MYMK: variants seen among roughly 807,000 people sequenced by gnomAD.
The protein encoded by MYMK is myomaker, myoblast fusion factor, also known as protein myomaker.
A neutral mutation model predicts 22.4 loss-of-function variants in MYMK; 16 were observed. The observed-to-expected ratio is 0.72, with a 90% CI of 0.48 to 1.09. The LOEUF (loss-of-function observed/expected upper bound fraction) is 1.09. Ranked by LOEUF, MYMK falls within the 50% of genes least tolerant of loss-of-function variation. The pLI, the probability that MYMK is intolerant of heterozygous loss-of-function variation, is 0.00. For synonymous variants in MYMK, 125 were observed against 127.0 expected (o/e 0.98, Z 0.11); for missense variants, 250 against 295.6 (o/e 0.85, Z 1.13).
At chr9:133,520,748 G>T (rs1844694174) in intron 1 of MYMK, among the ~76,000 whole-genome samples, 1 of 151,954 alleles carries the variant, frequency 6.6e-6, no homozygotes, top group Non-Finnish European at 1.5e-5. Context: ...AGCCTCTCTG[G>T]GGGCTCCTTT....
Position 133,524,897 on chromosome 9 carries a change from C to A in MYMK, c.-53G>T, listed in dbSNP as rs897717704. 30 of 1,550,128 alleles carry A rather than the reference C, an allele frequency of 1.9e-5. No individual in the cohort carries two copies. The highest frequency in any genetic ancestry group is 2.5e-5 in the Non-Finnish European group (29 of 1,150,062). On this transcript the variant is annotated 5_prime_UTR_variant, in exon 1 of 5. Transcript: ENST00000339996. ...TGGGGAGGGTGCTGGTGTCCCAGGT[C>A]CCCAGCACAGGAGCACGAAGTGGGA...
Position 133,518,905 on chromosome 9 carries a change from C to T in MYMK, c.368G>A (p.Gly123Asp), listed in dbSNP as rs1844664078. ...WGYGVYSGPI[G>D]TAILIIAAKW... ...TGCCGCGATGATGAGGATGGCTGTGCCGATGGGGCCCGAGTACACCCCGTA... is the reference window on the plus strand; with the variant it reads ...TGCCGCGATGATGAGGATGGCTGTGTCGATGGGGCCCGAGTACACCCCGTA... The change falls in exon 3 of 5, where the codon GGC becomes GAC. Residue 123 changes from glycine (G) to aspartate (D), a missense_variant. Coordinates refer to ENST00000339996, the MANE Select transcript of MYMK (RefSeq NM_001080483.3). The T allele has an allele frequency of 6.2e-7, 1 of 1,613,278 alleles. No homozygotes were observed.
intron 1 of MYMK, among the ~76,000 whole-genome samples, chr9:133,523,682 GGA>G (rs35845164): frequency 0.043 from 5,194 of 121,350 alleles, 119 homozygotes; most frequent in African/African-American, 0.05. Context: ...AGAGATAGAT[GGA>G]GAGAGAGAGA....
chr9:133,514,789 CG>C lies in MYMK; in HGVS notation c.517-5del, dbSNP rs758460107. On this transcript the variant is annotated splice_region_variant and splice_polypyrimidine_tract_variant and intron_variant, in intron 4 of 4. Transcript: ENST00000339996. ...GGACATAAGTGTAGTCCCAGTCCTG[CG>C]GGGGGCAAGCGGTCAGTCTGGGGCC... 1.2e-6 allele frequency: 2 copies of C among 1,612,688 alleles called. No homozygotes were observed. The highest frequency in any genetic ancestry group is 2.7e-5 in the African/African-American group (2 of 75,014).
intron 1 of MYMK, among the ~76,000 whole-genome samples, chr9:133,522,022 A>AATAGT (rs1419504395): frequency 2.0e-5 from 3 of 152,272 alleles, no homozygotes; most frequent in African/African-American, 7.2e-5. Flanking sequence ...AGGCTCTGAG[A>AATAGT]ATTCTAAAGG....
intron 3 of MYMK, among the ~76,000 whole-genome samples, chr9:133,518,234 G>A (rs1844654838): frequency 6.6e-6 from 1 of 152,174 alleles, no homozygotes; most frequent in Non-Finnish European, 1.5e-5. Flanking sequence ...AGCCAGGAGG[G>A]TCTTGGTAGG....
chr9:133,519,048 G>A (rs769596444), intron 2 of MYMK, 26 bp from the exon 3 acceptor site: 1 of 1,612,850 alleles, frequency 6.2e-7, no homozygotes, highest in Non-Finnish European at 8.5e-7. Context: ...AGACACAGGG[G>A]GAGGTGAGTG....
rs770685806 is a variant in MYMK at position 133,514,812 on chromosome 9, G to A, written c.517-27C>T. On this transcript the variant is annotated intron_variant, in intron 4 of 4. Coordinates refer to ENST00000339996, the MANE Select transcript of MYMK (RefSeq NM_001080483.3). ...TGCGGGGGGCAAGCGGTCAGTCTGG[G>A]GCCTCAGCCCCCTCCCCGAGGCTCC... The A allele has an allele frequency of 1.9e-6, 3 of 1,605,108 alleles. No individual in the cohort carries two copies. The Admixed American group carries it at 5.1e-5, about 27-fold the overall frequency.
At chr9:133,524,552 T>C (rs1439205486) in intron 1 of MYMK, among the ~76,000 whole-genome samples, 158 bp downstream of exon 1, 1 of 152,154 alleles carries the variant, frequency 6.6e-6, no homozygotes, top group Non-Finnish European at 1.5e-5. Flanking sequence ...ACTCCCCTAG[T>C]CCTCTCTCTT....
In MYMK at chr9:133,524,957, G is replaced by C. The variant is rs1844741169; in HGVS notation, c.-113C>G. The C allele has an allele frequency of 5.6e-6, 7 of 1,257,130 alleles. No individual in the cohort carries two copies. Among genetic ancestry groups the C allele is most frequent in the Non-Finnish European group, 6.6e-6 (6 of 915,932 alleles). The allele number at this position is 1,257,130 out of a possible 1,614,324, so 77.9% of individuals were successfully genotyped here. ...CCCTTTGGGCAGGGCTCTGATGGCA[G>C]CTGCGGGGAGCACCCACAAGAGGGT... On this transcript the variant is annotated 5_prime_UTR_variant, in exon 1 of 5. Coordinates refer to ENST00000339996, the MANE Select transcript of MYMK (RefSeq NM_001080483.3).
Position 133,524,871 on chromosome 9 carries a change from G to A in MYMK, c.-27C>T. On this transcript the variant is annotated 5_prime_UTR_variant, in exon 1 of 5. Coordinates refer to ENST00000339996, the MANE Select transcript of MYMK (RefSeq NM_001080483.3). ...GGCCAGGAGGAAAGCACTGGCTGGG[G>A]TGGGGAGGGTGCTGGTGTCCCAGGT... is the stretch of plus-strand genomic sequence containing the variant. 1 of 1,584,470 alleles carries A rather than the reference G, an allele frequency of 6.3e-7. No homozygotes were observed. The highest frequency in any genetic ancestry group is 2.1e-4 in the Middle Eastern group (1 of 4,736).
rs757556943 is a variant in MYMK, at chr9:133,514,760, C to G, written c.542G>C (p.Ser181Thr). The G allele has an allele frequency of 1.2e-6, 2 of 1,614,034 alleles. No homozygotes were observed. The highest frequency in any genetic ancestry group is 1.7e-6 in the Non-Finnish European group (2 of 1,179,910). ...CATAGCCAGGGCACAGTGGTAGAAG[C>G]TGTGGACATAAGTGTAGTCCCAGTC... The part of the protein sequence containing the change: ...FEDWDYTYVH[S>T]FYHCALAMSF... Residue 181 changes from serine to threonine, a missense_variant, in exon 5 of 5, where the codon AGC becomes ACC. Coordinates refer to ENST00000339996, the MANE Select transcript of MYMK (RefSeq NM_001080483.3).
rs1212381252 is a variant in MYMK, at chr9:133,515,360, G to C, written c.516+131C>G. The C allele has an allele frequency of 7.3e-6, 5 of 686,924 alleles. No individual in the cohort carries two copies. Among genetic ancestry groups the C allele is most frequent in the Admixed American group, 6.7e-5 (3 of 44,864 alleles). The allele number at this position is 686,924 out of a possible 1,614,324, so 42.6% of individuals were successfully genotyped here. A position where few individuals can be genotyped will look rare whatever the true frequency, so the allele number is the denominator to read the frequency against. On this transcript the variant is annotated intron_variant, in intron 4 of 4. Coordinates refer to ENST00000339996, the MANE Select transcript of MYMK (RefSeq NM_001080483.3). The surrounding 1 kb of genome is among the most constrained non-coding windows in gnomAD (Gnocchi z 5.8). Reference sequence around the variant, plus strand: ...GCCCTGGGAGGGGCTAGTGAGCAGGGACTAATACCAGACTTTGGCCTGGGG... The same window carrying C: ...GCCCTGGGAGGGGCTAGTGAGCAGGCACTAATACCAGACTTTGGCCTGGGG...
In MYMK at chr9:133,514,714, G is replaced by T; in HGVS notation, c.588C>A (p.Pro196=). 2 of 1,614,086 alleles carry T rather than the reference G, an allele frequency of 1.2e-6. No individual in the cohort carries two copies. Among genetic ancestry groups the T allele is most frequent in the Non-Finnish European group, 1.7e-6 (2 of 1,179,938 alleles). The change falls in exon 5 of 5, where the codon CCC becomes CCA. Residue 196 remains proline (P), a synonymous_variant. Transcript: ENST00000339996. The part of the protein sequence containing the change: ...ALAMSFVLLL[P]KVNKKAGSPG... ...GGGATCCAGCCTTCTTGTTGACCTT[G>T]GGCAGCAGCAGAACAAAGGACATAG...
rs147332939 is a variant in MYMK at position 133,524,483 on chromosome 9, T to C, written c.135+227A>G. Among the ~76,000 whole-genome samples the C allele has an allele frequency of 2.0e-4, 30 of 152,260 alleles. No homozygotes were observed. The East Asian group carries it at 5.8e-3, about 29-fold the overall frequency. ...CCCAGGCTTGGTCTCACACAGGCAG[T>C]GATCCCAGAGCAACTTCCTGGCACA... On this transcript the variant is annotated intron_variant, in intron 1 of 4. Coordinates refer to ENST00000339996, the MANE Select transcript of MYMK (RefSeq NM_001080483.3).
chr9:133,516,354 C>T (rs1310631349), intron 3 of MYMK, among the ~76,000 whole-genome samples: 3 of 152,196 alleles, frequency 2.0e-5, no homozygotes, highest in African/African-American at 7.2e-5. Flanking sequence ...TGGGGAACGA[C>T]AGCCTTGTTG....
intron 1 of MYMK, among the ~76,000 whole-genome samples, chr9:133,522,418 G>C (rs762860602): frequency 1.3e-5 from 2 of 152,198 alleles, no homozygotes; most frequent in African/African-American, 4.8e-5. Flanking sequence ...CAAGGTGTCC[G>C]GCACAGAGAT....
chr9:133,523,002 G>A (rs1436726480), intron 1 of MYMK, among the ~76,000 whole-genome samples: 1 of 152,208 alleles, frequency 6.6e-6, no homozygotes, highest in East Asian at 1.9e-4. Flanking sequence ...GCGCCTAGCC[G>A]AGTCCTCTGC....
At chr9:133,520,344 G>A (rs1844688384) in intron 1 of MYMK, 56 bp from the exon 2 acceptor site, 1 of 1,434,146 alleles carries the variant, frequency 7.0e-7, no homozygotes. Flanking sequence ...TGGTCCCCGA[G>A]CCACGGCCCC....
Sources: allele counts gnomAD v4.1 joint callset (sites outside exome capture counted in the v4.1 genomes callset), GRCh38; gene constraint gnomAD v4.1.1; non-coding constraint Gnocchi (gnomAD v3.1); transcripts MANE v1.5; gene names NCBI Gene and HGNC (gene_info 2026-07-23, HGNC 2026-07-21).